The following MAVS variants were observed in gnomAD, a reference collection of about 807,000 sequenced individuals.
MAVS encodes mitochondrial antiviral signaling protein, also known as mitochondrial antiviral-signaling protein.
In MAVS, 20 loss-of-function variants were observed where a neutral mutation model predicts 30.2. The observed-to-expected ratio is 0.66, with a 90% confidence interval of 0.47 to 0.96. MAVS has a LOEUF of 0.96. MAVS is among the 40% of genes least tolerant of loss of function. The pLI is 0.00. For missense variants in MAVS, 624 were observed against 701.1 expected (o/e 0.89, Z 1.24); for synonymous variants, 278 against 293.9 (o/e 0.95, Z 0.55).
chr20:3,860,650 C>T (rs2089858686), intron 3 of MAVS, among the ~76,000 whole-genome samples: 1 of 151,872 alleles, frequency 6.6e-6, no homozygotes, highest in Non-Finnish European at 1.5e-5. Flanking sequence ...GCTGGGATTA[C>T]AGGCGTGAGC....
chr20:3,866,322 G>A lies in MAVS; in HGVS notation c.*175G>A. 3.1e-6 allele frequency: 2 copies of A among 643,314 alleles called. No individual in the cohort carries two copies. Among genetic ancestry groups the A allele is most frequent in the Non-Finnish European group, 5.2e-6 (2 of 381,704 alleles). The allele number at this position is 643,314 out of a possible 1,614,324, so 39.9% of individuals were successfully genotyped here. A position where few individuals can be genotyped will look rare whatever the true frequency, so the allele number is the denominator to read the frequency against. ...TTGGCTGAACCAAGTCCTGAGAGCA[G>A]CATCTCTGTCCCCACGGTGCCTTGT... On this transcript the variant is annotated 3_prime_UTR_variant, in exon 7 of 7. Coordinates refer to ENST00000428216, the MANE Select transcript of MAVS (RefSeq NM_020746.5).
intron 1 of MAVS, among the ~76,000 whole-genome samples, chr20:3,854,192 C>T (rs1600444757): frequency 2.6e-5 from 4 of 151,862 alleles, no homozygotes; most frequent in South Asian, 4.1e-4. Context: ...GAGGCCGAGG[C>T]GGGTGGACCA....
At position 3,869,325 on chromosome 20, in the gene MAVS, A is replaced by G. The variant is rs1278387685; in HGVS notation, c.*3178A>G. The G allele has an allele frequency of 6.6e-6, 1 of 151,970 alleles. No homozygotes were observed. The highest frequency in any genetic ancestry group is 1.5e-5 in the Non-Finnish European group (1 of 68,096). 9.4% of individuals were successfully genotyped at this position (151,970 alleles called of 1,614,324 possible). A position where few individuals can be genotyped will look rare whatever the true frequency, so the allele number is the denominator to read the frequency against. ...GTAGCTGGGACTACAGGCGCCTGCC[A>G]CCACGCCTGGCTAATTTTTTTGCAC... On this transcript the variant is annotated 3_prime_UTR_variant, in exon 7 of 7. Transcript: ENST00000428216.
rs776080116 is a variant in MAVS at position 3,861,485 on chromosome 20, C to T, written c.446C>T (p.Ala149Val). 53 of 1,613,974 alleles carry T rather than the reference C, an allele frequency of 3.3e-5. No individual in the cohort carries two copies. Among genetic ancestry groups the T allele is most frequent in the Middle Eastern group, 1.7e-4 (1 of 6,060 alleles). Residue 149 changes from alanine to valine, a missense_variant, in exon 4 of 7, where the codon GCG becomes GTG. By Grantham distance (64) the Ala-to-Val change is moderately conservative. Coordinates refer to ENST00000428216, the MANE Select transcript of MAVS (RefSeq NM_020746.5). ...CCCATGCCTGTCCAGGAGACCCAGG[C>T]GCCAGAGTCCCCAGGAGAGGTCTGT... Reference protein sequence around the residue: ...SYPMPVQETQAPESPGENSEQ... With the variant: ...SYPMPVQETQVPESPGENSEQ...
rs1313586465 is a variant in MAVS, at chr20:3,869,019, C to CT, written c.*2880dup. 3 of 151,974 alleles carry CT rather than the reference C, an allele frequency of 2.0e-5. No homozygotes were observed. The highest frequency in any genetic ancestry group is 6.6e-5 in the Admixed American group (1 of 15,224). The allele number at this position is 151,974 out of a possible 1,614,324, so 9.4% of individuals were successfully genotyped here. ...CCATCCTCCCATCTTTTTCTTTTTT[C>CT]TTTTTTTTAGAGAATCACCCAGCCT... is the stretch of plus-strand genomic sequence containing the variant. On this transcript the variant is annotated 3_prime_UTR_variant, in exon 7 of 7. Coordinates refer to ENST00000428216, the MANE Select transcript of MAVS (RefSeq NM_020746.5).
rs1458800007 is a variant in MAVS, at chr20:3,873,051, GA to G, written c.*6905del. The G allele has an allele frequency of 6.6e-6, 1 of 152,304 alleles. No individual in the cohort carries two copies. The highest frequency in any genetic ancestry group is 2.4e-5 in the African/African-American group (1 of 41,440). The allele number at this position is 152,304 out of a possible 1,614,324, so 9.4% of individuals were successfully genotyped here. A position where few individuals can be genotyped will look rare whatever the true frequency, so the allele number is the denominator to read the frequency against. On this transcript the variant is annotated 3_prime_UTR_variant, in exon 7 of 7. Coordinates refer to ENST00000428216, the MANE Select transcript of MAVS (RefSeq NM_020746.5). ...ACTGTTTATAATAAGTAAATCAGCA[GA>G]GGGGGAATAATACTTAGAACCTATA... is the stretch of plus-strand genomic sequence containing the variant.
chr20:3,851,464 C>A (rs1286029367), intron 1 of MAVS, among the ~76,000 whole-genome samples: 1 of 147,738 alleles, frequency 6.8e-6, no homozygotes, highest in African/African-American at 2.5e-5. Context: ...CGAGATCACA[C>A]CACTGCACTC....
At position 3,865,809 on chromosome 20, in the gene MAVS, G is replaced by C. The variant is rs146661396; in HGVS notation, c.1285G>C (p.Asp429His). ...GCCTGGCGTGCTGGCATCCCAGGTAGACAGCCCGTTCTCGGGCTGCTTCGA... is the reference window on the plus strand; with the variant it reads ...GCCTGGCGTGCTGGCATCCCAGGTACACAGCCCGTTCTCGGGCTGCTTCGA... ...SKPGVLASQVDSPFSGCFEDL... is the reference protein window; with the variant it reads ...SKPGVLASQVHSPFSGCFEDL... Residue 429 changes from aspartate to histidine, a missense_variant, in exon 7 of 7, where the codon GAC becomes CAC. By Grantham distance (81) the Asp-to-His change is moderately conservative. Transcript: ENST00000428216. The surrounding 1 kb of genome is among the most constrained non-coding windows in gnomAD (Gnocchi z 4.7). 1.9e-5 allele frequency: 30 copies of C among 1,613,836 alleles called. No homozygotes were observed. In the African/African-American group the frequency reaches 3.7e-4, roughly 20 times the overall value.
In MAVS at chr20:3,872,312, C is replaced by T. The variant is rs148388100; in HGVS notation, c.*6165C>T. ...AATTAGCTGGGTGTGGTGGTATGTG[C>T]CTCAAGTTCCAGCTACTCAGGAGGC... On this transcript the variant is annotated 3_prime_UTR_variant, in exon 7 of 7. Transcript: ENST00000428216. The T allele has an allele frequency of 0.018, 2,727 of 152,402 alleles. 28 individuals carry two copies. The highest frequency in any genetic ancestry group is 0.037 in the Middle Eastern group (11 of 296). 9.4% of individuals were successfully genotyped at this position (152,402 alleles called of 1,614,324 possible).
chr20:3,862,107 A>G, intron 4 of MAVS, 147 bp from the exon 5 acceptor site: 1 of 835,626 alleles, frequency 1.2e-6, no homozygotes, highest in Non-Finnish European at 1.8e-6. Context: ...GGGTCTGGGA[A>G]TTACCAGAAC....
intron 3 of MAVS, among the ~76,000 whole-genome samples, chr20:3,858,452 G>C (rs2146766588): frequency 6.6e-6 from 1 of 152,174 alleles, no homozygotes; most frequent in East Asian, 1.9e-4. Flanking sequence ...GGCCGAGGCA[G>C]GCGGATCATG....
chr20:3,856,478 A>AG (rs1408105334), intron 2 of MAVS, among the ~76,000 whole-genome samples: 3 of 149,080 alleles, frequency 2.0e-5, no homozygotes, highest in South Asian at 2.1e-4. Context: ...CAGCCTCCTG[A>AG]GTAGCTGGGA....
chr20:3,858,776 T>C (rs1267260235), intron 3 of MAVS, among the ~76,000 whole-genome samples: 5 of 150,430 alleles, frequency 3.3e-5, no homozygotes, highest in Admixed American at 6.7e-5. Flanking sequence ...GGGACATCCA[T>C]GTTTTTCTTT....
intron 2 of MAVS, among the ~76,000 whole-genome samples, chr20:3,855,935 C>T (rs1426715092): frequency 2.6e-5 from 4 of 151,574 alleles, no homozygotes; most frequent in Admixed American, 2.0e-4. Context: ...CATGCCACCA[C>T]ACCTGGCTGA....
intron 2 of MAVS, among the ~76,000 whole-genome samples, chr20:3,856,379 G>A (rs1437698641): frequency 4.0e-4 from 43 of 106,386 alleles, no homozygotes; most frequent in African/African-American, 1.6e-3. Flanking sequence ...TTTTTGAGAT[G>A]GAGTCTCGCT....
chr20:3,866,996 C>G lies in MAVS; in HGVS notation c.*849C>G. ...GCTTCTCCACGTGGACAGTGAGTAT[C>G]TGGCTCATTCTTCACTGGGTTCTTC... On this transcript the variant is annotated 3_prime_UTR_variant, in exon 7 of 7. Coordinates refer to ENST00000428216, the MANE Select transcript of MAVS (RefSeq NM_020746.5). The G allele has an allele frequency of 2.2e-6, 1 of 456,792 alleles. No homozygotes were observed. The highest frequency in any genetic ancestry group is 4.4e-6 in the Non-Finnish European group (1 of 226,980). 28.3% of individuals were successfully genotyped at this position (456,792 alleles called of 1,614,324 possible).
In MAVS at chr20:3,864,369, G is replaced by A; in HGVS notation, c.739G>A (p.Val247Ile). Residue 247 changes from valine (V) to isoleucine (I), a missense_variant, in exon 6 of 7, where the codon GTT becomes ATT. Val to Ile is a conservative substitution (Grantham distance 29). Coordinates refer to ENST00000428216, the MANE Select transcript of MAVS (RefSeq NM_020746.5). ...CCGCTTGCCTGGACCCACAGGGTCA[G>A]TTGTATCTACTGGCACCTCCTTCTC... The part of the protein sequence containing the change: ...ASRLPGPTGS[V>I]VSTGTSFSSS... 4.3e-6 allele frequency: 7 copies of A among 1,614,136 alleles called. No individual in the cohort carries two copies. Among genetic ancestry groups the A allele is most frequent in the Non-Finnish European group, 5.9e-6 (7 of 1,180,026 alleles).
intron 6 of MAVS, 101 bp downstream of exon 6, chr20:3,864,889 T>C (rs1172412390): frequency 1.4e-6 from 2 of 1,438,862 alleles, no homozygotes; most frequent in African/African-American, 2.8e-5. Flanking sequence ...GCATTCTGTG[T>C]CCAGCCTGTG....
chr20:3,860,178 C>T (rs572729651), intron 3 of MAVS, among the ~76,000 whole-genome samples: 17 of 151,816 alleles, frequency 1.1e-4, no homozygotes, highest in East Asian at 7.9e-4. Context: ...ATGGGTGGGG[C>T]GGGGGGTGTA....
Sources: gnomAD v4.1 joint callset for allele counts (sites outside exome capture counted in the v4.1 genomes callset) on GRCh38, gnomAD v4.1.1 for gene constraint, Gnocchi (gnomAD v3.1) non-coding constraint, MANE v1.5 for transcripts, NCBI Gene and HGNC (gene_info 2026-07-23, HGNC 2026-07-21) for gene names.